IGF2R: variants seen among roughly 807,000 people sequenced by gnomAD.
IGF2R encodes the protein insulin like growth factor 2 receptor, also known as cation-independent mannose-6-phosphate receptor.
In IGF2R, 91 loss-of-function variants were observed where a neutral mutation model predicts 270.6. The observed-to-expected ratio is 0.34, with a 90% confidence interval of 0.28 to 0.40. The LOEUF (loss-of-function observed/expected upper bound fraction) is 0.40, where lower values mean the gene tolerates loss of function less well. Among genes scored for constraint, IGF2R ranks in the 10% least tolerant of loss-of-function variants. The pLI, the probability that IGF2R is intolerant of heterozygous loss-of-function variation, is 1.00. For synonymous variants in IGF2R, 1,316 were observed against 1,258.9 expected (o/e 1.05, Z -0.96); for missense variants, 2,805 against 3,188.3 (o/e 0.88, Z 2.90).
chr6:160,088,264 G>A (rs892346519), intron 42 of IGF2R, 117 bp downstream of exon 42: 10 of 700,678 alleles, frequency 1.4e-5, no homozygotes, highest in African/African-American at 7.0e-5. Context: ...GGCCAGAGCC[G>A]CTGATTGTGC....
rs1356211976 is a variant in IGF2R, at chr6:160,084,141, T to A, written c.6025T>A (p.Ser2009Thr). The part of the protein sequence containing the change: ...KHKTYDLRLL[S>T]SLTGSWSLVH... ...CAAAACCTACGACCTGCGGCTGCTC[T>A]CCTCTCTCACCGGGTCCTGGTCCCT... The change falls in exon 40 of 48, where the codon TCC (serine) becomes ACC (threonine). Residue 2009 changes from serine (S) to threonine (T), a missense_variant. Around this residue, in one of 2 missense-constraint regions of IGF2R, gnomAD observed 1,851 missense variants for 2,207.2 expected, o/e 0.84. Transcript: ENST00000356956. The surrounding 1 kb of genome is among the most constrained non-coding windows in gnomAD (Gnocchi z 4.6). 1 of 1,614,088 alleles carries A rather than the reference T, an allele frequency of 6.2e-7. No individual in the cohort carries two copies. Among genetic ancestry groups the A allele is most frequent in the Admixed American group, 1.7e-5 (1 of 60,014 alleles).
chr6:160,050,527 C>A lies in IGF2R; in HGVS notation c.2569C>A (p.Pro857Thr). 6.2e-7 allele frequency: 1 copy of A among 1,614,082 alleles called. No homozygotes were observed. The highest frequency in any genetic ancestry group is 8.5e-7 in the Non-Finnish European group (1 of 1,179,960). The change falls in exon 19 of 48, where the codon CCG becomes ACG. Residue 857 changes from proline (P) to threonine (T), a missense_variant. This residue lies in a region of IGF2R where 1,851 missense variants were observed against 2,207.2 expected (regional missense o/e 0.84). Transcript: ENST00000356956. The surrounding 1 kb of genome is among the most constrained non-coding windows in gnomAD (Gnocchi z 4.0). ...ISNLGMAKTG[P>T]VVEDSGSLLL... ...TAACTTGGGAATGGCAAAGACCGGCCCGGTGGTTGAGGACAGCGGCAGCCT... is the reference window on the plus strand; with the variant it reads ...TAACTTGGGAATGGCAAAGACCGGCACGGTGGTTGAGGACAGCGGCAGCCT...
At chr6:159,981,810 C>T (rs554244940) in intron 1 of IGF2R, among the ~76,000 whole-genome samples, 1 of 152,324 alleles carries the variant, frequency 6.6e-6, no homozygotes, top group East Asian at 1.9e-4. Flanking sequence ...CCCTGGTTCC[C>T]TGGGCTCTGA....
At chr6:160,065,810 G>GTGTGTGTATGTGTA (rs1554246363) in intron 29 of IGF2R, among the ~76,000 whole-genome samples, 6 of 72,976 alleles carry the variant, frequency 8.2e-5, no homozygotes, top group Admixed American at 1.7e-4. Context: ...GTGTGTGTGT[G>GTGTGTGTATGTGTA]TGTGTATATA....
At chr6:160,094,757 G>C (rs1347634469) in intron 44 of IGF2R, 1 of 152,210 alleles carries the variant, frequency 6.6e-6, no homozygotes, top group East Asian at 1.9e-4. Context: ...AATTAGCCGG[G>C]CGTGGTGGCG....
intron 32 of IGF2R, among the ~76,000 whole-genome samples, chr6:160,072,547 C>T (rs892775644): frequency 6.6e-6 from 1 of 152,202 alleles, no homozygotes; most frequent in African/African-American, 2.4e-5. Context: ...TGCTGTGAGC[C>T]ACGATCTTTT....
chr6:160,075,667 G>T (rs1778841106), intron 35 of IGF2R, among the ~76,000 whole-genome samples, 180 bp from the exon 36 acceptor site: 1 of 152,206 alleles, frequency 6.6e-6, no homozygotes, highest in South Asian at 2.1e-4. Context: ...ACATACGGAG[G>T]TTACACAGCA....
chr6:160,101,758 A>C (rs1779489753), intron 45 of IGF2R, among the ~76,000 whole-genome samples: 1 of 152,230 alleles, frequency 6.6e-6, no homozygotes, highest in African/African-American at 2.4e-5. Context: ...TTGCTCCCTA[A>C]GCGCAAAGGG....
rs1308344015 is a variant in IGF2R, at chr6:159,969,275, A to T, written c.29A>T (p.His10Leu). Residue 10 changes from histidine to leucine, a missense_variant, in exon 1 of 48, where the codon CAC becomes CTC. Physicochemically the swap from His to Leu is moderately conservative, Grantham distance 99 (BLOSUM62 -3). Transcript: ENST00000356956. MGAAAGRSP[H>L]LGPAPARRPQ... is the part of the protein sequence containing the mutation. Reference sequence around the variant, plus strand: ...GGGGCCGCCGCCGGCCGGAGCCCCCACCTGGGGCCCGCGCCCGCCCGCCGC... The same window carrying T: ...GGGGCCGCCGCCGGCCGGAGCCCCCTCCTGGGGCCCGCGCCCGCCCGCCGC... 16 of 1,152,482 alleles carry T rather than the reference A, an allele frequency of 1.4e-5. No individual in the cohort carries two copies. Among genetic ancestry groups the T allele is most frequent in the Non-Finnish European group, 1.7e-5 (16 of 941,162 alleles). The allele number at this position is 1,152,482 out of a possible 1,614,324, so 71.4% of individuals were successfully genotyped here.
At chr6:160,047,621 G>C (rs1778098034) in intron 16 of IGF2R, among the ~76,000 whole-genome samples, 171 bp from the exon 17 acceptor site, 1 of 152,178 alleles carries the variant, frequency 6.6e-6, no homozygotes, top group Admixed American at 6.5e-5. Context: ...TTTTCATCCT[G>C]ATTTGTTACT....
In IGF2R at chr6:160,063,566, C is replaced by G. The variant is rs1778490118; in HGVS notation, c.3822C>G (p.Asp1274Glu). The change falls in exon 27 of 48, where the codon GAC becomes GAG. Residue 1274 changes from aspartate to glutamate, a missense_variant. By Grantham distance (45) the Asp-to-Glu change is conservative. Coordinates refer to ENST00000356956, the MANE Select transcript of IGF2R (RefSeq NM_000876.4). ...CCTCAGACGTCTGCCCCACAAGTGACAAGTCCAAGGTGGTCTCCTCATGTC... is the reference window on the plus strand; with the variant it reads ...CCTCAGACGTCTGCCCCACAAGTGAGAAGTCCAAGGTGGTCTCCTCATGTC... ...KLSSDVCPTS[D>E]KSKVVSSCQE... The G allele has an allele frequency of 1.2e-6, 2 of 1,614,116 alleles. No individual in the cohort carries two copies. The highest frequency in any genetic ancestry group is 8.5e-7 in the Non-Finnish European group (1 of 1,180,042).
rs575336978 is a variant in IGF2R, at chr6:160,039,111, C to T, written c.1316-1449C>T. Among the ~76,000 whole-genome samples the T allele has an allele frequency of 2.6e-5, 4 of 152,154 alleles. 1 individual carries two copies. The highest frequency in any genetic ancestry group is 6.5e-5 in the Admixed American group (1 of 15,284). The stretch of plus-strand genomic sequence containing the variant: ...ATGTTCTGAGAAATGTGTCATTAGG[C>T]GATTTTGTCATTGTGTGAACATCAT... On this transcript the variant is annotated intron_variant, in intron 10 of 47. Transcript: ENST00000356956.
At chr6:160,034,546 CCCT>C (rs1777771274) in intron 10 of IGF2R, 24 bp downstream of exon 10, 1 of 1,460,272 alleles carries the variant, frequency 6.8e-7, no homozygotes, top group African/African-American at 1.4e-5. Flanking sequence ...GGAGTTCAGC[CCCT>C]CCTCTTTGCA....
rs539642192 is a variant in IGF2R, at chr6:160,028,094, G to A, written c.776+780G>A. On this transcript the variant is annotated intron_variant, in intron 6 of 47. Coordinates refer to ENST00000356956, the MANE Select transcript of IGF2R (RefSeq NM_000876.4). ...TGCTCAGGCTGCCATAAGAAAATAC[G>A]ATAGGCTGGGTAGCTTAAACCACAG... 1.2e-4 allele frequency among the ~76,000 whole-genome samples: 19 copies of A among 152,286 alleles called. No homozygotes were observed. The South Asian group carries it at 2.9e-3, about 23-fold the overall frequency.
At chr6:159,970,798 C>T (rs2115162750) in intron 1 of IGF2R, among the ~76,000 whole-genome samples, 1 of 152,328 alleles carries the variant, frequency 6.6e-6, no homozygotes, top group South Asian at 2.1e-4. Flanking sequence ...AATTAACTCG[C>T]CTGGGCGCGG....
Position 160,032,665 on chromosome 6 carries a change from G to A in IGF2R, c.997G>A (p.Glu333Lys), listed in dbSNP as rs146231442. 1.1e-4 allele frequency: 182 copies of A among 1,614,030 alleles called. No individual in the cohort carries two copies. Among genetic ancestry groups the A allele is most frequent in the Admixed American group, 9.0e-4 (54 of 60,002 alleles). The change falls in exon 8 of 48, where the codon GAG becomes AAG. Residue 333 changes from glutamate to lysine, a missense_variant. Around this residue, in one of 2 missense-constraint regions of IGF2R, gnomAD observed 954 missense variants for 981.1 expected, o/e 0.97. Coordinates refer to ENST00000356956, the MANE Select transcript of IGF2R (RefSeq NM_000876.4). ...LESKTCSLSGEQQDVSIDLTP... is the reference protein window; with the variant it reads ...LESKTCSLSGKQQDVSIDLTP... ...AAGTAAAACTTGTTCTCTGAGCGGCGAGCAGCAGGATGTCTCCATAGACCT... is the reference window on the plus strand; with the variant it reads ...AAGTAAAACTTGTTCTCTGAGCGGCAAGCAGCAGGATGTCTCCATAGACCT...
At chr6:160,077,030 G>A (rs1778868833) in intron 36 of IGF2R, among the ~76,000 whole-genome samples, 1 of 152,196 alleles carries the variant, frequency 6.6e-6, no homozygotes, top group African/African-American at 2.4e-5. Context: ...TGTGCTGACA[G>A]TGACAGAAAG....
intron 10 of IGF2R, 91 bp from the exon 11 acceptor site, chr6:160,040,469 A>G (rs991438440): frequency 5.0e-5 from 54 of 1,083,890 alleles, no homozygotes; most frequent in Non-Finnish European, 6.5e-5. Context: ...AGCAGTTGGC[A>G]TTGGTCCTGT....
Position 160,105,092 on chromosome 6 carries a change from G to A in IGF2R, c.*8G>A. On this transcript the variant is annotated 3_prime_UTR_variant, in exon 48 of 48. Transcript: ENST00000356956. Reference sequence around the variant, plus strand: ...GACCTCTTACACATCTGACTCCGCAGTGCCTGCAGGGGAGCACGGAGCCGC... The same window carrying A: ...GACCTCTTACACATCTGACTCCGCAATGCCTGCAGGGGAGCACGGAGCCGC... 4.5e-6 allele frequency: 7 copies of A among 1,552,990 alleles called. No homozygotes were observed. The highest frequency in any genetic ancestry group is 1.7e-6 in the Non-Finnish European group (2 of 1,148,312).
Sources: gnomAD v4.1 joint callset for allele counts (sites outside exome capture counted in the v4.1 genomes callset) on GRCh38, gnomAD v4.1.1 for gene constraint, gnomAD v4.1.1 regional missense constraint, Gnocchi (gnomAD v3.1) non-coding constraint, MANE v1.5 for transcripts, NCBI Gene and HGNC (gene_info 2026-07-23, HGNC 2026-07-21) for gene names.